Variants in ZNF41 observed in about 807,000 individuals in gnomAD.
The protein encoded by ZNF41 is zinc finger protein 41.
In ZNF41, 6 loss-of-function variants were observed where a neutral mutation model predicts 9.3. The ratio of observed to expected loss-of-function variants is 0.65; its 90% confidence interval spans 0.35 to 1.28. The LOEUF is 1.28. ZNF41 is among the 50% of genes most tolerant of loss of function. The probability of loss-of-function intolerance (pLI) is 0.03; values close to 1 mark genes in which losing one functional copy is unlikely to be tolerated. For missense variants in ZNF41, 523 were observed against 585.8 expected (o/e 0.89, Z 1.11); for synonymous variants, 192 against 207.1 (o/e 0.93, Z 0.63).
intron 1 of ZNF41, among the ~76,000 whole-genome samples, chrX:47,474,373 G>A (rs1002074901): frequency 9.0e-6 from 1 of 110,553 alleles, no homozygotes; most frequent in Admixed American, 9.6e-5. Flanking sequence ...ACGCTGAGGC[G>A]GGACAACCAC....
In ZNF41 at chrX:47,445,416, C is replaced by T. The variant is rs1158260814; in HGVS notation, c.*2014G>A. Among the ~76,000 whole-genome samples the T allele has an allele frequency of 5.4e-5, 6 of 111,654 alleles. No individual in the cohort carries two copies. Among genetic ancestry groups the T allele is most frequent in the African/African-American group, 2.0e-4 (6 of 30,709 alleles). On this transcript the variant is annotated 3_prime_UTR_variant, in exon 5 of 5. Transcript: ENST00000684689. ...ATCACTCATCTATCCTGGGGAGATA[C>T]TACAATGGTTTGGAGGACAAGAAAA...
At chrX:47,454,341 G>A (rs1053907470) in intron 4 of ZNF41, among the ~76,000 whole-genome samples, 1 of 109,878 alleles carries the variant, frequency 9.1e-6, no homozygotes, top group Admixed American at 9.7e-5. Flanking sequence ...GTTGCATCAC[G>A]AGGTTAAAAA....
chrX:47,461,457 C>T (rs2056789596), intron 2 of ZNF41, among the ~76,000 whole-genome samples: 1 of 110,180 alleles, frequency 9.1e-6, no homozygotes, highest in South Asian at 3.9e-4. Flanking sequence ...GTCGCCCAGG[C>T]TGGAGTGCAG....
At position 47,462,227 on chromosome X, in the gene ZNF41, CCTGTTCCCCGGGA is replaced by C. The variant is rs1400190723; in HGVS notation, c.72+5170_72+5182del. ...CTCCTCCCTGTCCATCTGAGTGTTT[CCTGTTCCCCGGGA>C]CTGTTCTCTGTGGCCCTGCAACTGC... On this transcript the variant is annotated intron_variant, in intron 2 of 4. Transcript: ENST00000684689. Among the ~76,000 whole-genome samples, 3 of 110,827 alleles carry C rather than the reference CCTGTTCCCCGGGA, an allele frequency of 2.7e-5. No homozygotes were observed. In the East Asian group the frequency reaches 8.5e-4, roughly 31 times the overall value.
intron 4 of ZNF41, among the ~76,000 whole-genome samples, chrX:47,455,284 AAAATT>A (rs747214866): frequency 5.0e-5 from 5 of 99,268 alleles, no homozygotes; most frequent in Admixed American, 3.3e-4. Context: ...AATTAAAATT[AAAATT>A]AAAAAAAAAA....
chrX:47,448,906 C>T lies in ZNF41; in HGVS notation c.864G>A (p.Glu288=). Residue 288 remains glutamate (E), a synonymous_variant, in exon 5 of 5, where the codon GAG becomes GAA. Transcript: ENST00000684689. The part of the protein sequence containing the change: ...MGFTQKSHLF[E]HQRIHAGEKS... ...TTTCTCCAGCATGAATTCTCTGATG[C>T]TCAAACAGATGTGACTTCTGAGTGA... The T allele has an allele frequency of 8.3e-7, 1 of 1,211,678 alleles. No homozygotes were observed. The highest frequency in any genetic ancestry group is 1.1e-6 in the Non-Finnish European group (1 of 895,530).
intron 4 of ZNF41, among the ~76,000 whole-genome samples, chrX:47,453,691 T>C (rs916654094): frequency 8.9e-6 from 1 of 112,319 alleles, no homozygotes; most frequent in Non-Finnish European, 1.9e-5. Flanking sequence ...TAAAGATATC[T>C]GTCATTAGCA....
At chrX:47,462,444 T>C (rs912580434) in intron 2 of ZNF41, among the ~76,000 whole-genome samples, 1 of 111,181 alleles carries the variant, frequency 9.0e-6, no homozygotes. Context: ...CCCCGTTCTT[T>C]TATCGCTTTC....
intron 4 of ZNF41, among the ~76,000 whole-genome samples, chrX:47,453,274 A>G (rs767639982): frequency 1.7e-4 from 19 of 111,694 alleles, no homozygotes; most frequent in African/African-American, 5.9e-4. Context: ...ACATAGAGGT[A>G]AAAGCCTCAG....
At chrX:47,450,200 GTTTC>G (rs755713428) in intron 4 of ZNF41, among the ~76,000 whole-genome samples, 39 of 111,119 alleles carry the variant, frequency 3.5e-4, no homozygotes, top group Admixed American at 8.7e-4. Flanking sequence ...CCAGCTGCAA[GTTTC>G]TTTCTTTCTT....
intron 1 of ZNF41, among the ~76,000 whole-genome samples, chrX:47,470,669 G>T (rs2057163497): frequency 9.3e-6 from 1 of 107,575 alleles, no homozygotes. Context: ...GGAGGTTGCA[G>T]TGAGCCGAGA....
At chrX:47,454,363 G>A (rs956954616) in intron 4 of ZNF41, among the ~76,000 whole-genome samples, 2 of 110,650 alleles carry the variant, frequency 1.8e-5, no homozygotes, top group African/African-American at 6.6e-5. Context: ...AAAACAGAGA[G>A]CTACCCCTTT....
At chrX:47,477,423 C>T (rs1362811563) in intron 1 of ZNF41, among the ~76,000 whole-genome samples, 1 of 112,815 alleles carries the variant, frequency 8.9e-6, no homozygotes, top group Non-Finnish European at 1.9e-5. Flanking sequence ...GGATTACAGG[C>T]GTGAGCCACC....
chrX:47,458,766 GTTTT>G (rs1290103860), intron 2 of ZNF41, among the ~76,000 whole-genome samples: 1 of 103,596 alleles, frequency 9.7e-6, no homozygotes, highest in African/African-American at 3.5e-5. Flanking sequence ...ATGCTGCTTC[GTTTT>G]TTTTTTGTTT....
intron 1 of ZNF41, among the ~76,000 whole-genome samples, chrX:47,480,421 T>G (rs2057441419): frequency 1.8e-5 from 2 of 111,099 alleles, no homozygotes; most frequent in South Asian, 7.3e-4. Context: ...AAATTCCAGT[T>G]AGATTAAAAT....
intron 4 of ZNF41, among the ~76,000 whole-genome samples, chrX:47,454,477 A>C (rs781086525): frequency 5.4e-5 from 6 of 112,014 alleles, no homozygotes; most frequent in Non-Finnish European, 1.1e-4. Context: ...ATCTGAGAAT[A>C]ATATGGTGGT....
At chrX:47,469,829 C>T (rs754800033) in intron 1 of ZNF41, among the ~76,000 whole-genome samples, 1 of 110,964 alleles carries the variant, frequency 9.0e-6, no homozygotes, top group African/African-American at 3.3e-5. Context: ...GAGATCGTGC[C>T]ACTGCACTCC....
At chrX:47,462,104 G>C (rs903375251) in intron 2 of ZNF41, among the ~76,000 whole-genome samples, 4 of 108,886 alleles carry the variant, frequency 3.7e-5, no homozygotes, top group Admixed American at 3.0e-4. Flanking sequence ...GGGCTCAAGG[G>C]ATCCTTCCGG....
Position 47,447,676 on chromosome X carries a change from T to C in ZNF41, c.2094A>G (p.Lys698=). ...EKPYECGDCG[K]TFTWKSRLNI... is the part of the protein sequence containing the mutation. The stretch of plus-strand genomic sequence containing the variant: ...TGAGGCGTGACTTCCAGGTGAAGGT[T>C]TTCCCGCAGTCACCACATTCATAGG... The change falls in exon 5 of 5, where the codon AAA becomes AAG. Residue 698 remains lysine, a synonymous_variant. Coordinates refer to ENST00000684689, the MANE Select transcript of ZNF41 (RefSeq NM_001324144.2). 1.7e-6 allele frequency: 2 copies of C among 1,211,716 alleles called. No homozygotes were observed. The highest frequency in any genetic ancestry group is 2.2e-6 in the Non-Finnish European group (2 of 895,533).
Sources: allele counts gnomAD v4.1 joint callset (sites outside exome capture counted in the v4.1 genomes callset), GRCh38; gene constraint gnomAD v4.1.1; transcripts MANE v1.5; gene names NCBI Gene and HGNC (gene_info 2026-07-23, HGNC 2026-07-21).